ELL3: variants seen among roughly 807,000 people sequenced by gnomAD.
The protein encoded by ELL3 is RNA polymerase II elongation factor ELL3.
In ELL3, 48 loss-of-function variants were observed where a neutral mutation model predicts 58.5. The ratio of observed to expected loss-of-function variants is 0.82; its 90% CI spans 0.65 to 1.04. The LOEUF is 1.04. ELL3 is among the 50% of genes least tolerant of loss of function. ELL3 has a pLI of 0.00. For synonymous variants in ELL3, 174 were observed against 173.2 expected (o/e 1.00, Z -0.04); for missense variants, 458 against 478.4 (o/e 0.96, Z 0.40).
Position 43,774,320 on chromosome 15 carries a change from T to C in ELL3, c.900A>G (p.Gln300=), listed in dbSNP as rs2086899077. The C allele has an allele frequency of 6.2e-7, 1 of 1,614,250 alleles. No individual in the cohort carries two copies. The highest frequency in any genetic ancestry group is 1.3e-5 in the African/African-American group (1 of 75,070). Residue 300 remains glutamine, a synonymous_variant, in exon 9 of 11, where the codon CAA becomes CAG. Coordinates refer to ENST00000319359, the MANE Select transcript of ELL3 (RefSeq NM_025165.3). ...QYRAIHSAEQ[Q]HAYEQDFETD... is the part of the protein sequence containing the mutation. ...TCTCAAAGTCCTGCTCATAGGCATG[T>C]TGCTGTTCTGCACTGTGGATGGCCC...
At chr15:43,773,519 A>T (rs1036988757) in intron 9 of ELL3, among the ~76,000 whole-genome samples, 171 bp from the exon 10 acceptor site, 2 of 151,840 alleles carry the variant, frequency 1.3e-5, no homozygotes, top group Non-Finnish European at 2.9e-5. Flanking sequence ...CGTCTCTACT[A>T]AAAAAATACA....
Position 43,772,926 on chromosome 15 carries a change from GCA to G in ELL3, c.*188_*189del, listed in dbSNP as rs1456444503. ...TCCTAGGCACAGCTATGGAGTCTTT[GCA>G]CAGTGCCCATACCCTAAAAATTAAT... On this transcript the variant is annotated 3_prime_UTR_variant, in exon 11 of 11. Transcript: ENST00000319359. 1.9e-6 allele frequency: 1 copy of G among 538,852 alleles called. No homozygotes were observed. The highest frequency in any genetic ancestry group is 3.2e-6 in the Non-Finnish European group (1 of 311,270). The allele number at this position is 538,852 out of a possible 1,614,324, so 33.4% of individuals were successfully genotyped here.
At chr15:43,776,584 A>G in intron 1 of ELL3, 40 bp from the exon 2 acceptor site, 1 of 1,560,146 alleles carries the variant, frequency 6.4e-7, no homozygotes, top group Admixed American at 1.9e-5. Context: ...AGCGCAGGTG[A>G]AGCAGTGTCC....
At position 43,776,167 on chromosome 15, in the gene ELL3, G is replaced by A. The variant is rs1196615199; in HGVS notation, c.169-16C>T. 1.1e-5 allele frequency: 17 copies of A among 1,607,162 alleles called. No individual in the cohort carries two copies. The highest frequency in any genetic ancestry group is 1.4e-5 in the Non-Finnish European group (16 of 1,174,012). On this transcript the variant is annotated splice_polypyrimidine_tract_variant and intron_variant, in intron 2 of 10. Transcript: ENST00000319359. ...GTCTCAGATACTGGGGGTGGAAGGA[G>A]ACGGTAAGCCCCATGAAGTCAGCCC...
intron 2 of ELL3, 50 bp from the exon 3 acceptor site, chr15:43,776,201 C>G (rs1223644185): frequency 6.6e-7 from 1 of 1,511,144 alleles, no homozygotes; most frequent in African/African-American, 1.4e-5. Context: ...CCCTCCCCCT[C>G]CTGCCGCCGC....
intron 3 of ELL3, 32 bp from the exon 4 acceptor site, chr15:43,775,955 G>A (rs371871745): frequency 6.2e-7 from 1 of 1,613,270 alleles, no homozygotes; most frequent in Non-Finnish European, 8.5e-7. Flanking sequence ...AAATAGGAGG[G>A]TGGAGACCTC....
chr15:43,775,862 C>G lies in ELL3; in HGVS notation c.343G>C (p.Ala115Pro). 1 of 1,614,180 alleles carries G rather than the reference C, an allele frequency of 6.2e-7. No homozygotes were observed. ...SLRERLIIWA[A>P]MDSIPAPSSV... ...GATGGGGCTGGGATAGAATCCATGGCTGCCCAAATAATGAGGCGCTCCCTG... is the reference window on the plus strand; with the variant it reads ...GATGGGGCTGGGATAGAATCCATGGGTGCCCAAATAATGAGGCGCTCCCTG... Residue 115 changes from alanine (A) to proline (P), a missense_variant, in exon 4 of 11, where the codon GCC (alanine) becomes CCC (proline). Coordinates refer to ENST00000319359, the MANE Select transcript of ELL3 (RefSeq NM_025165.3).
intron 1 of ELL3, 100 bp from the exon 2 acceptor site, chr15:43,776,644 T>C: frequency 6.5e-7 from 1 of 1,547,748 alleles, no homozygotes; most frequent in East Asian, 2.4e-5. Context: ...CGGGCTTCAC[T>C]TGGAGAGGTG....
intron 9 of ELL3, 91 bp downstream of exon 9, chr15:43,774,087 TTTGC>T (rs1207327338): frequency 6.8e-7 from 1 of 1,479,360 alleles, no homozygotes. Flanking sequence ...TCCTTGTCAC[TTTGC>T]TTAGTCACTT....
Position 43,774,610 on chromosome 15 carries a change from G to A in ELL3, c.809C>T (p.Ser270Phe). ...CATTAACTCACCTTCTTGAACTGAG[G>A]AACTGTGTTCTAATCTGGGGTCCAT... ...EDMDPRLEHS[S>F]SVQEDSESPS... Residue 270 changes from serine to phenylalanine, a missense_variant, in exon 7 of 11, where the codon TCC becomes TTC. Physicochemically the swap from Ser to Phe is radical, Grantham distance 155. Transcript: ENST00000319359. The A allele has an allele frequency of 3.1e-6, 5 of 1,614,024 alleles. No individual in the cohort carries two copies. The highest frequency in any genetic ancestry group is 3.4e-6 in the Non-Finnish European group (4 of 1,179,980).
Position 43,774,198 on chromosome 15 carries a change from C to G in ELL3, c.1022G>C (p.Gly341Ala). 1.2e-6 allele frequency: 2 copies of G among 1,614,126 alleles called. No individual in the cohort carries two copies. Among genetic ancestry groups the G allele is most frequent in the Non-Finnish European group, 1.7e-6 (2 of 1,180,020 alleles). ...LGAEIKRVRR[G>A]TPEYKVLEDK... ...TGTCCTTACCTTGTATTCTGGAGTTCCTCGCCGAACTCTTTTAATCTCTGC... is the reference window on the plus strand; with the variant it reads ...TGTCCTTACCTTGTATTCTGGAGTTGCTCGCCGAACTCTTTTAATCTCTGC... Residue 341 changes from glycine to alanine, a missense_variant, in exon 9 of 11, where the codon GGA becomes GCA. Physicochemically the swap from Gly to Ala is moderately conservative, Grantham distance 60. Coordinates refer to ENST00000319359, the MANE Select transcript of ELL3 (RefSeq NM_025165.3).
Position 43,776,888 on chromosome 15 carries a change from T to A in ELL3, c.14A>T (p.Gln5Leu), listed in dbSNP as rs763321631. The A allele has an allele frequency of 6.2e-7, 1 of 1,611,238 alleles. No homozygotes were observed. The highest frequency in any genetic ancestry group is 8.5e-7 in the Non-Finnish European group (1 of 1,179,794). Residue 5 changes from glutamine to leucine, a missense_variant, in exon 1 of 11, where the codon CAG becomes CTG. Coordinates refer to ENST00000319359, the MANE Select transcript of ELL3 (RefSeq NM_025165.3). ...CCGGAGCTGTCCTCTCAGAGGCTCC[T>A]GGAGCTCCTCCATGGCGACGAGTTC... is the stretch of plus-strand genomic sequence containing the variant. The part of the protein sequence containing the change: MEEL[Q>L]EPLRGQLRLC...
Position 43,776,873 on chromosome 15 carries a change from C to T in ELL3, c.29G>A (p.Gly10Glu), listed in dbSNP as rs2086922787. 1.2e-6 allele frequency: 2 copies of T among 1,611,684 alleles called. No homozygotes were observed. Among genetic ancestry groups the T allele is most frequent in the Non-Finnish European group, 1.7e-6 (2 of 1,179,752 alleles). The part of the protein sequence containing the change: MEELQEPLR[G>E]QLRLCFTQAA... ...TTGCGTGAAGCAGAGCCGGAGCTGT[C>T]CTCTCAGAGGCTCCTGGAGCTCCTC... Residue 10 changes from glycine to glutamate, a missense_variant, in exon 1 of 11, where the codon GGA (glycine) becomes GAA (glutamate). Gly to Glu is a moderately conservative substitution (Grantham distance 98). Transcript: ENST00000319359.
intron 6 of ELL3, 26 bp downstream of exon 6, chr15:43,775,280 A>G: frequency 7.0e-6 from 11 of 1,568,366 alleles, no homozygotes; most frequent in Non-Finnish European, 9.5e-6. Context: ...TGTTACAAAA[A>G]AAAAGCCCTT....
intron 6 of ELL3, among the ~76,000 whole-genome samples, chr15:43,774,992 G>T (rs1322615261): frequency 1.3e-5 from 2 of 151,886 alleles, no homozygotes; most frequent in Non-Finnish European, 2.9e-5. Context: ...AAATGAGCCT[G>T]GTGTAGTGGC....
chr15:43,776,464 C>T, intron 2 of ELL3, 45 bp downstream of exon 2: 1 of 1,555,480 alleles, frequency 6.4e-7, no homozygotes, highest in South Asian at 1.2e-5. Context: ...CACGTTTATG[C>T]TCCCTCGCCC....
Position 43,772,904 on chromosome 15 carries a change from T to C in ELL3, c.*212A>G, listed in dbSNP as rs1242865918. The C allele has an allele frequency of 9.7e-6, 4 of 412,598 alleles. No individual in the cohort carries two copies. The highest frequency in any genetic ancestry group is 4.2e-5 in the Admixed American group (1 of 23,928). 25.6% of individuals were successfully genotyped at this position (412,598 alleles called of 1,614,324 possible). A position where few individuals can be genotyped will look rare whatever the true frequency, so the allele number is the denominator to read the frequency against. On this transcript the variant is annotated 3_prime_UTR_variant, in exon 11 of 11. Transcript: ENST00000319359. Reference sequence around the variant, plus strand: ...GCCTCTGTCACTTTTCCTAGACTCCTAGGCACAGCTATGGAGTCTTTGCAC... The same window carrying C: ...GCCTCTGTCACTTTTCCTAGACTCCCAGGCACAGCTATGGAGTCTTTGCAC...
At chr15:43,774,126 T>A in intron 9 of ELL3, 56 bp downstream of exon 9, 1 of 1,592,980 alleles carries the variant, frequency 6.3e-7, no homozygotes, top group South Asian at 1.1e-5. Context: ...TATGGATGGT[T>A]AGCAGGGGGT....
intron 8 of ELL3, 44 bp from the exon 9 acceptor site, chr15:43,774,397 G>A (rs2086899622): frequency 1.2e-6 from 2 of 1,613,450 alleles, no homozygotes; most frequent in African/African-American, 2.7e-5. Flanking sequence ...CATTGCCCCT[G>A]AAAAGCCCCC....
Sources: gnomAD v4.1 joint callset for allele counts (sites outside exome capture counted in the v4.1 genomes callset) on GRCh38, gnomAD v4.1.1 for gene constraint, MANE v1.5 for transcripts, NCBI Gene and HGNC (gene_info 2026-07-23, HGNC 2026-07-21) for gene names.